Variants in RETREG2 observed in about 807,000 individuals in gnomAD.
The protein encoded by RETREG2 is reticulophagy regulator family member 2.
A neutral mutation model predicts 51.6 loss-of-function variants in RETREG2; 21 were observed. The ratio of observed to expected loss-of-function variants is 0.41; its 90% CI spans 0.29 to 0.59. RETREG2 has a LOEUF of 0.59. RETREG2 is among the 20% of genes least tolerant of loss of function. The pLI, the probability that RETREG2 is intolerant of heterozygous loss-of-function variation, is 0.34. For missense variants in RETREG2, 674 were observed against 646.0 expected, an observed-to-expected ratio of 1.04 and a Z score of -0.47; for synonymous variants, 339 against 288.6, an observed-to-expected ratio of 1.17 and a Z score of -1.77.
chr2:219,178,421 CCTGGGTCTGGGT>C lies in RETREG2; in HGVS notation c.73_84del (p.Gly25_Leu28del), dbSNP rs748689664. 4.9e-6 allele frequency: 3 copies of C among 607,362 alleles called. No individual in the cohort carries two copies. Among genetic ancestry groups the C allele is most frequent in the Non-Finnish European group, 8.2e-6 (3 of 366,800 alleles). The allele number at this position is 607,362 out of a possible 1,614,324, so 37.6% of individuals were successfully genotyped here. On this transcript the variant is annotated inframe_deletion, in exon 1 of 9. Transcript: ENST00000430297. The stretch of plus-strand genomic sequence containing the variant: ...GGCCGGGGATGGGCCTGAGCCTGGG[CCTGGGTCTGGGT>C]CTGAGCCTAGGCATGAGTGAGGCCA...
Position 219,182,573 on chromosome 2 carries a change from G to A in RETREG2, c.1576G>A (p.Asp526Asn), listed in dbSNP as rs73993510. ...CCCTGATGCTCCACCCCTGGGGCCCGACATCCATTCTCTGGTACAGTCAGA... is the reference window on the plus strand; with the variant it reads ...CCCTGATGCTCCACCCCTGGGGCCCAACATCCATTCTCTGGTACAGTCAGA... Reference protein sequence around the residue: ...KPPDAPPLGPDIHSLVQSDQE... With the variant: ...KPPDAPPLGPNIHSLVQSDQE... The change falls in exon 9 of 9, where the codon GAC becomes AAC. Residue 526 changes from aspartate (D) to asparagine (N), a missense_variant. Asp to Asn is a conservative substitution (Grantham distance 23). Coordinates refer to ENST00000430297, the MANE Select transcript of RETREG2 (RefSeq NM_024293.6). 1.4e-3 allele frequency: 2,243 copies of A among 1,614,174 alleles called. 31 individuals carry two copies. The African/African-American group carries it at 0.026, about 19-fold the overall frequency.
rs1170114803 is a variant in RETREG2, at chr2:219,182,605, A to G, written c.1608A>G (p.Glu536=). 1 of 1,614,120 alleles carries G rather than the reference A, an allele frequency of 6.2e-7. No homozygotes were observed. The highest frequency in any genetic ancestry group is 2.2e-5 in the East Asian group (1 of 44,880). ...ATTCTCTGGTACAGTCAGACCAAGA[A>G]GCTCAGGCCGTGGCAGAGCCATGAG... is the stretch of plus-strand genomic sequence containing the variant. ...DIHSLVQSDQ[E]AQAVAEP Residue 536 remains glutamate, a synonymous_variant, in exon 9 of 9, where the codon GAA becomes GAG. Transcript: ENST00000430297.
At position 219,182,746 on chromosome 2, in the gene RETREG2, G is replaced by T. The variant is rs767290119; in HGVS notation, c.*117G>T. The stretch of plus-strand genomic sequence containing the variant: ...GCAGTGTGTGGGGAAGCTGGCTGTC[G>T]GATGGTAGCTATTCCACCCTCTGCC... On this transcript the variant is annotated 3_prime_UTR_variant, in exon 9 of 9. Coordinates refer to ENST00000430297, the MANE Select transcript of RETREG2 (RefSeq NM_024293.6). 1 of 1,260,496 alleles carries T rather than the reference G, an allele frequency of 7.9e-7. No homozygotes were observed. Among genetic ancestry groups the T allele is most frequent in the East Asian group, 2.5e-5 (1 of 40,738 alleles). The allele number at this position is 1,260,496 out of a possible 1,614,324, so 78.1% of individuals were successfully genotyped here. A position where few individuals can be genotyped will look rare whatever the true frequency, so the allele number is the denominator to read the frequency against.
intron 4 of RETREG2, 66 bp downstream of exon 4, chr2:219,180,311 G>T: frequency 6.3e-7 from 1 of 1,599,522 alleles, no homozygotes; most frequent in African/African-American, 1.3e-5. Context: ...CGGGGGATGG[G>T]AGTGGAGTGA....
Position 219,182,577 on chromosome 2 carries a change from T to C in RETREG2, c.1580T>C (p.Ile527Thr). Residue 527 changes from isoleucine (I) to threonine (T), a missense_variant, in exon 9 of 9, where the codon ATC (isoleucine) becomes ACC (threonine). Coordinates refer to ENST00000430297, the MANE Select transcript of RETREG2 (RefSeq NM_024293.6). ...GATGCTCCACCCCTGGGGCCCGACA[T>C]CCATTCTCTGGTACAGTCAGACCAA... is the stretch of plus-strand genomic sequence containing the variant. ...PPDAPPLGPD[I>T]HSLVQSDQEA... The C allele has an allele frequency of 6.2e-7, 1 of 1,614,068 alleles. No individual in the cohort carries two copies. Among genetic ancestry groups the C allele is most frequent in the South Asian group, 1.1e-5 (1 of 91,086 alleles).
rs979335097 is a variant in RETREG2, at chr2:219,182,901, G to A, written c.*272G>A. 5.5e-5 allele frequency: 27 copies of A among 494,482 alleles called. No homozygotes were observed. The highest frequency in any genetic ancestry group is 3.6e-4 in the African/African-American group (19 of 52,148). 30.6% of individuals were successfully genotyped at this position (494,482 alleles called of 1,614,324 possible). A position where few individuals can be genotyped will look rare whatever the true frequency, so the allele number is the denominator to read the frequency against. ...TAGGGAAGTCCTTCCCACAGCCTGC[G>A]CTTGCCTCCCTGCCTCATCTCTATT... is the stretch of plus-strand genomic sequence containing the variant. On this transcript the variant is annotated 3_prime_UTR_variant, in exon 9 of 9. Coordinates refer to ENST00000430297, the MANE Select transcript of RETREG2 (RefSeq NM_024293.6).
At chr2:219,179,991 T>C in intron 3 of RETREG2, 119 bp from the exon 4 acceptor site, 1 of 1,394,818 alleles carries the variant, frequency 7.2e-7, no homozygotes, top group Non-Finnish European at 1.0e-6. Flanking sequence ...CAGCCTCCTT[T>C]TGAGAGGTGG....
intron 4 of RETREG2, 47 bp from the exon 5 acceptor site, chr2:219,180,623 G>C: frequency 1.2e-6 from 2 of 1,613,768 alleles, no homozygotes; most frequent in Non-Finnish European, 1.7e-6. Flanking sequence ...GCCGAGCGGG[G>C]CGCATATCTC....
chr2:219,182,489 G>A lies in RETREG2; in HGVS notation c.1492G>A (p.Gly498Arg), dbSNP rs758139647. 5.0e-6 allele frequency: 8 copies of A among 1,614,008 alleles called. No homozygotes were observed. The highest frequency in any genetic ancestry group is 6.8e-6 in the Non-Finnish European group (8 of 1,180,028). The change falls in exon 9 of 9, where the codon GGG (glycine) becomes AGG (arginine). Residue 498 changes from glycine to arginine, a missense_variant. Gly to Arg is a moderately radical substitution (Grantham distance 125). Transcript: ENST00000430297. ...TGAGGACTTTGAGTTGCTGGATCAG[G>A]GGGAGCTGGAGCAGCTGAATGCAGA... The part of the protein sequence containing the change: ...TTEDFELLDQ[G>R]ELEQLNAELG...
chr2:219,180,915 G>A, intron 5 of RETREG2, 147 bp from the exon 6 acceptor site: 1 of 1,319,288 alleles, frequency 7.6e-7, no homozygotes, highest in Non-Finnish European at 1.1e-6. Context: ...ACCTGGGGAG[G>A]AGGGCAGTGG....
chr2:219,181,995 T>C lies in RETREG2; in HGVS notation c.1016-18T>C. ...GACCAGCAGCAGGCCCATTCTTAAT[T>C]CTTTGTTCTCTGCACAGATTTGGAC... On this transcript the variant is annotated intron_variant, in intron 8 of 8. Transcript: ENST00000430297. The C allele has an allele frequency of 6.2e-7, 1 of 1,609,480 alleles. No individual in the cohort carries two copies. The highest frequency in any genetic ancestry group is 8.5e-7 in the Non-Finnish European group (1 of 1,176,636).
chr2:219,178,479 G>C lies in RETREG2; in HGVS notation c.127G>C (p.Ala43Pro). The change falls in exon 1 of 9, where the codon GCG (alanine) becomes CCG (proline). Residue 43 changes from alanine to proline, a missense_variant. By Grantham distance (27) the Ala-to-Pro change is conservative. Coordinates refer to ENST00000430297, the MANE Select transcript of RETREG2 (RefSeq NM_024293.6). ...GGCCACCAGTGAGGCAGAGGAGGAG[G>C]CGGCCACGGCCGAGGCGGTGGGACG... ...SEATSEAEEEAATAEAVGRLA... is the reference protein window; with the variant it reads ...SEATSEAEEEPATAEAVGRLA... The C allele has an allele frequency of 8.9e-7, 1 of 1,121,150 alleles. No individual in the cohort carries two copies. The highest frequency in any genetic ancestry group is 1.2e-6 in the Non-Finnish European group (1 of 820,252). 69.5% of individuals were successfully genotyped at this position (1,121,150 alleles called of 1,614,324 possible). A position where few individuals can be genotyped will look rare whatever the true frequency, so the allele number is the denominator to read the frequency against.
chr2:219,181,314 T>C, intron 6 of RETREG2, 55 bp from the exon 7 acceptor site: 2 of 1,607,994 alleles, frequency 1.2e-6, no homozygotes, highest in Non-Finnish European at 1.7e-6. Context: ...GCTGTGTTTG[T>C]CTCCCCTCCC....
intron 7 of RETREG2, 68 bp downstream of exon 7, chr2:219,181,531 G>T (rs1441214523): frequency 1.3e-6 from 2 of 1,595,622 alleles, no homozygotes; most frequent in Non-Finnish European, 1.7e-6. Flanking sequence ...CTTTGGAGCT[G>T]CCACCTCCAA....
At chr2:219,179,920 C>G (rs776622108) in intron 3 of RETREG2, 157 bp downstream of exon 3, 44 of 1,119,486 alleles carry the variant, frequency 3.9e-5, no homozygotes, top group Middle Eastern at 2.8e-4. Context: ...TAGGTGTTTG[C>G]GTGCCTGCTC....
chr2:219,182,202 C>A lies in RETREG2; in HGVS notation c.1205C>A (p.Ser402Ter). The A allele has an allele frequency of 6.2e-7, 1 of 1,614,168 alleles. No individual in the cohort carries two copies. The highest frequency in any genetic ancestry group is 8.5e-7 in the Non-Finnish European group (1 of 1,180,020). The change falls in exon 9 of 9, where the codon TCA becomes TAA. Residue 402 changes from serine to a stop codon, truncating the protein, a stop_gained. Coordinates refer to ENST00000430297, the MANE Select transcript of RETREG2 (RefSeq NM_024293.6). LOFTEE classifies it high-confidence loss of function. ...GCTAAGGAAACCTTGTTGCGGCTCT[C>A]ATCCCCCCTCCACTTTGTGAACACG... The part of the protein sequence containing the change: ...VAAKETLLRL[S>*]SPLHFVNTHF...
At chr2:219,181,842 C>G in intron 8 of RETREG2, 67 bp downstream of exon 8, 2 of 1,588,272 alleles carry the variant, frequency 1.3e-6, no homozygotes, top group South Asian at 2.3e-5. Context: ...TGGGTACTTA[C>G]TGTGCTCTCT....
At position 219,182,964 on chromosome 2, in the gene RETREG2, C is replaced by T; in HGVS notation, c.*335C>T. 2.9e-6 allele frequency: 1 copy of T among 342,756 alleles called. No individual in the cohort carries two copies. The highest frequency in any genetic ancestry group is 5.5e-6 in the Non-Finnish European group (1 of 182,724). 21.2% of individuals were successfully genotyped at this position (342,756 alleles called of 1,614,324 possible). A position where few individuals can be genotyped will look rare whatever the true frequency, so the allele number is the denominator to read the frequency against. ...TGCCCCAAGCCCTGGTGGTCTGGCC[C>T]TTTCTTTTTCCTCCTATCCTCAGGG... On this transcript the variant is annotated 3_prime_UTR_variant, in exon 9 of 9. Transcript: ENST00000430297.
chr2:219,180,324 TA>T, intron 4 of RETREG2, 79 bp downstream of exon 4: 1 of 1,560,606 alleles, frequency 6.4e-7, no homozygotes, highest in Non-Finnish European at 8.8e-7. Context: ...TGGAGTGATA[TA>T]AACTCCCCGC....
Sources: allele counts gnomAD v4.1 joint callset, GRCh38; gene constraint gnomAD v4.1.1; transcripts MANE v1.5; gene names NCBI Gene and HGNC (gene_info 2026-07-23, HGNC 2026-07-21).